XXYLT1: variants seen among roughly 807,000 people sequenced by gnomAD.
XXYLT1 encodes UDP-xylose:alpha-xyloside alpha-1,3-xylosyltransferase.
A neutral mutation model predicts 28.9 loss-of-function variants in XXYLT1; 20 were observed. That is an observed-to-expected ratio of 0.69 (90% CI 0.49 to 1.00). The LOEUF (loss-of-function observed/expected upper bound fraction) is 1.00. Among genes scored for constraint, XXYLT1 ranks in the 50% least tolerant of loss-of-function variants. XXYLT1 has a pLI of 0.00. For missense variants in XXYLT1, 542 were observed against 560.1 expected (o/e 0.97, Z 0.33); for synonymous variants, 257 against 253.8 (o/e 1.01, Z -0.12).
chr3:195,104,917 C>G (rs1717003623), intron 3 of XXYLT1, among the ~76,000 whole-genome samples: 1 of 152,202 alleles, frequency 6.6e-6, no homozygotes, highest in South Asian at 2.1e-4. Flanking sequence ...ATTCGCAAGT[C>G]TAGCTACAAG....
intron 3 of XXYLT1, among the ~76,000 whole-genome samples, chr3:195,136,855 G>A (rs1719227438): frequency 6.6e-6 from 1 of 152,114 alleles, no homozygotes; most frequent in African/African-American, 2.4e-5. Context: ...GAGGTCCAAG[G>A]AGATAAATAA....
intron 3 of XXYLT1, among the ~76,000 whole-genome samples, chr3:195,151,905 C>T (rs749120620): frequency 1.3e-5 from 2 of 151,574 alleles, no homozygotes; most frequent in Admixed American, 6.6e-5. Flanking sequence ...GAGGGAGTGA[C>T]GGAGGGGAAA....
At chr3:195,225,177 T>A (rs1475780874) in intron 2 of XXYLT1, among the ~76,000 whole-genome samples, 1 of 152,210 alleles carries the variant, frequency 6.6e-6, no homozygotes, top group Non-Finnish European at 1.5e-5. Flanking sequence ...GAGCTGCACC[T>A]GGGTCACTGC....
intron 2 of XXYLT1, among the ~76,000 whole-genome samples, chr3:195,204,599 A>G (rs1196270426): frequency 6.6e-6 from 1 of 152,128 alleles, no homozygotes; most frequent in Non-Finnish European, 1.5e-5. Context: ...CAGTCCTGGC[A>G]GCCACAGTGG....
At chr3:195,119,892 G>A (rs1303594003) in intron 3 of XXYLT1, among the ~76,000 whole-genome samples, 3 of 151,310 alleles carry the variant, frequency 2.0e-5, no homozygotes, top group Non-Finnish European at 4.4e-5. Flanking sequence ...CAAGGGGTTT[G>A]TGGCTGAAGC....
chr3:195,162,374 G>C (rs537220079), intron 2 of XXYLT1, among the ~76,000 whole-genome samples: 4 of 152,152 alleles, frequency 2.6e-5, no homozygotes, highest in African/African-American at 4.8e-5. Context: ...GCCCCTCCTC[G>C]GATGGTCGGG....
At chr3:195,184,612 C>T (rs1330392619) in intron 2 of XXYLT1, 19 of 985,180 alleles carry the variant, frequency 1.9e-5, no homozygotes, top group Non-Finnish European at 2.3e-5. Flanking sequence ...ACATTTAAGT[C>T]TCCCTGATTA....
At chr3:195,253,831 C>CA (rs1436276696) in intron 1 of XXYLT1, among the ~76,000 whole-genome samples, 14 of 152,218 alleles carry the variant, frequency 9.2e-5, no homozygotes, top group African/African-American at 2.9e-4. Flanking sequence ...GAAAGCCACT[C>CA]AGTCACTCAG....
chr3:195,270,691 C>G lies in XXYLT1; in HGVS notation c.368G>C (p.Arg123Pro), dbSNP rs1246072045. The change falls in exon 1 of 4, where the codon CGC (arginine) becomes CCC (proline). Residue 123 changes from arginine (R) to proline (P), a missense_variant. Transcript: ENST00000310380. The part of the protein sequence containing the change: ...ALQAKARVAL[R>P]SLLRLAKFEA... ...GAACTTGGCGAGGCGCAGCAGTGAG[C>G]GCAGCGCGACGCGGGCCTTGGCCTG... The G allele has an allele frequency of 2.5e-6, 4 of 1,587,584 alleles. No homozygotes were observed. Among genetic ancestry groups the G allele is most frequent in the Admixed American group, 1.7e-5 (1 of 57,868 alleles).
At chr3:195,208,121 G>A (rs1296816354) in intron 2 of XXYLT1, among the ~76,000 whole-genome samples, 1 of 152,216 alleles carries the variant, frequency 6.6e-6, no homozygotes, top group East Asian at 1.9e-4. Flanking sequence ...CTCCTAGGAG[G>A]CAGGGATGAC....
intron 2 of XXYLT1, among the ~76,000 whole-genome samples, chr3:195,215,113 G>A (rs552546670): frequency 4.8e-4 from 72 of 150,868 alleles, no homozygotes; most frequent in East Asian, 2.2e-3. Flanking sequence ...TTACAGACAA[G>A]CAAATGCTGA....
At chr3:195,204,856 G>A (rs1013172774) in intron 2 of XXYLT1, among the ~76,000 whole-genome samples, 1 of 152,190 alleles carries the variant, frequency 6.6e-6, no homozygotes, top group Non-Finnish European at 1.5e-5. Flanking sequence ...ACTGTTTTCA[G>A]ATACACCCAC....
At chr3:195,110,842 T>TAAG (rs1223287611) in intron 3 of XXYLT1, among the ~76,000 whole-genome samples, 1 of 6,870 alleles carries the variant, frequency 1.5e-4, no homozygotes, top group African/African-American at 2.3e-4. Flanking sequence ...GTGTGGTGTG[T>TAAG]TGTGTGTGTT....
At chr3:195,239,767 C>A (rs1724700966) in intron 1 of XXYLT1, among the ~76,000 whole-genome samples, 1 of 152,212 alleles carries the variant, frequency 6.6e-6, no homozygotes, top group Non-Finnish European at 1.5e-5. Flanking sequence ...AGCACGTCCT[C>A]CTCACCAGCT....
chr3:195,232,651 AG>A lies in XXYLT1; in HGVS notation c.505-5796del, dbSNP rs1262777012. On this transcript the variant is annotated intron_variant, in intron 1 of 3. Coordinates refer to ENST00000310380, the MANE Select transcript of XXYLT1 (RefSeq NM_152531.5). ...CTCTTCATTGACCAACTGGTCATTC[AG>A]AGGCATATTGTTCAGTTTCCATGTG... is the stretch of plus-strand genomic sequence containing the variant. Among the ~76,000 whole-genome samples, 3 of 152,230 alleles carry A rather than the reference AG, an allele frequency of 2.0e-5. No individual in the cohort carries two copies. The East Asian group carries it at 5.8e-4, about 29-fold the overall frequency.
chr3:195,186,861 G>A lies in XXYLT1; in HGVS notation c.653-30280C>T, dbSNP rs184159154. On this transcript the variant is annotated intron_variant, in intron 2 of 3. Transcript: ENST00000310380. ...GAAGTGCTGGTGATAACCTCTCCAC[G>A]GACCTGGGCCCTCTAACCCACAACA... 4.6e-5 allele frequency among the ~76,000 whole-genome samples: 7 copies of A among 151,264 alleles called. No homozygotes were observed. In the East Asian group the frequency reaches 5.9e-4, roughly 13 times the overall value.
intron 1 of XXYLT1, among the ~76,000 whole-genome samples, chr3:195,247,612 A>T (rs566544747): frequency 5.3e-5 from 8 of 152,308 alleles, no homozygotes; most frequent in African/African-American, 1.7e-4. Flanking sequence ...ACACAGCTGG[A>T]GCCCAAGGGG....
chr3:195,187,593 C>A (rs1435370522), intron 2 of XXYLT1, among the ~76,000 whole-genome samples: 1 of 152,188 alleles, frequency 6.6e-6, no homozygotes, highest in African/African-American at 2.4e-5. Context: ...CTGAAACATA[C>A]AGAAGGGGAA....
At chr3:195,118,614 T>C (rs528377670) in intron 3 of XXYLT1, among the ~76,000 whole-genome samples, 1 of 150,730 alleles carries the variant, frequency 6.6e-6, no homozygotes, top group African/African-American at 2.4e-5. Context: ...TGGGGGAGAA[T>C]GCAGCCTTCA....
Sources: gnomAD v4.1 joint callset for allele counts (sites outside exome capture counted in the v4.1 genomes callset) on GRCh38, gnomAD v4.1.1 for gene constraint, MANE v1.5 for transcripts, NCBI Gene and HGNC (gene_info 2026-07-23, HGNC 2026-07-21) for gene names.